The following BTG4 variants were observed in gnomAD, a reference collection of about 807,000 sequenced individuals.
BTG4 encodes protein BTG4.
A neutral mutation model predicts 19.3 loss-of-function variants in BTG4; 10 were observed. The observed-to-expected ratio is 0.52, with a 90% CI of 0.32 to 0.88. The LOEUF is 0.88. BTG4 is among the 40% of genes least tolerant of loss of function. The pLI, the probability that BTG4 is intolerant of heterozygous loss-of-function variation, is 0.04. For missense variants in BTG4, 238 were observed against 281.9 expected (o/e 0.84, Z 1.11); for synonymous variants, 91 against 95.7 (o/e 0.95, Z 0.29).
At chr11:111,509,434 A>G (rs1223196994) in intron 1 of BTG4, among the ~76,000 whole-genome samples, 4 of 152,136 alleles carry the variant, frequency 2.6e-5, no homozygotes, top group Admixed American at 2.6e-4. Context: ...TCACTCCTGT[A>G]ATGCTAGCAC....
At chr11:111,471,053 A>C (rs985689388) in intron 5 of BTG4, among the ~76,000 whole-genome samples, 1 of 152,252 alleles carries the variant, frequency 6.6e-6, no homozygotes, top group African/African-American at 2.4e-5. Context: ...ATTCATTCTT[A>C]TGAACAAGAA....
downstream of BTG4, among the ~76,000 whole-genome samples, chr11:111,490,391 G>A (rs1865344120): frequency 6.6e-6 from 1 of 152,140 alleles, no homozygotes; most frequent in South Asian, 2.1e-4. Context: ...AACACAACAT[G>A]TGCCTCTATC....
chr11:111,467,484 T>C (rs1039277065), downstream of BTG4: 11 of 508,914 alleles, frequency 2.2e-5, no homozygotes, highest in Admixed American at 3.2e-4. Flanking sequence ...ATTTGGCTGA[T>C]GCCACGTAGC....
the BTG4 span, chr11:111,454,884 G>A: frequency 2.4e-6 from 1 of 422,744 alleles, no homozygotes; most frequent in Non-Finnish European, 4.8e-6. Flanking sequence ...GCAGCAGGGG[G>A]CGCTGCAATC....
chr11:111,406,146 C>T, the BTG4 span, among the ~76,000 whole-genome samples: 1,459 of 152,236 alleles, frequency 9.6e-3, 16 homozygotes, highest in African/African-American at 0.032. Flanking sequence ...AATCATATGC[C>T]CATTTCAATA....
downstream of BTG4, among the ~76,000 whole-genome samples, chr11:111,463,911 A>G (rs569034127): frequency 1.4e-4 from 22 of 152,288 alleles, no homozygotes; most frequent in Admixed American, 7.8e-4. Flanking sequence ...AATTCCTGCC[A>G]TGGACTTCAT....
chr11:111,417,450 G>C, the BTG4 span: 1 of 152,164 alleles, frequency 6.6e-6, no homozygotes, highest in East Asian at 1.9e-4. Context: ...CTGGGAGGAG[G>C]GGACCCTCCT....
chr11:111,435,131 A>T, the BTG4 span: 1 of 152,200 alleles, frequency 6.6e-6, no homozygotes, highest in South Asian at 2.1e-4. Flanking sequence ...AATCCATCTC[A>T]AGTTCTCAAA....
the BTG4 span, among the ~76,000 whole-genome samples, chr11:111,391,063 G>A: frequency 1.3e-5 from 2 of 152,182 alleles, no homozygotes; most frequent in African/African-American, 4.8e-5. Flanking sequence ...CAGTAATAGA[G>A]TATGTGCTCG....
chr11:111,405,628 G>T, the BTG4 span, among the ~76,000 whole-genome samples: 4 of 152,056 alleles, frequency 2.6e-5, no homozygotes, highest in African/African-American at 9.7e-5. Context: ...TGTTGCCACT[G>T]CCAGAGTTCA....
At chr11:111,436,269 C>T in the BTG4 span, among the ~76,000 whole-genome samples, 20 of 152,250 alleles carry the variant, frequency 1.3e-4, no homozygotes, top group East Asian at 2.5e-3. Flanking sequence ...GAACTGGTGA[C>T]GACCACCTCC....
the BTG4 span, chr11:111,450,693 CT>C: frequency 6.6e-6 from 1 of 152,202 alleles, no homozygotes; most frequent in Admixed American, 6.5e-5. Context: ...TATACATGCT[CT>C]TGGGAAAACT....
chr11:111,432,294 G>T, the BTG4 span, among the ~76,000 whole-genome samples: 2 of 152,090 alleles, frequency 1.3e-5, no homozygotes, highest in African/African-American at 2.4e-5. Context: ...TGGGCTATGG[G>T]TACCAAACAA....
chr11:111,421,728 GA>G, the BTG4 span, among the ~76,000 whole-genome samples: 3 of 152,132 alleles, frequency 2.0e-5, no homozygotes, highest in African/African-American at 7.2e-5. Context: ...GCCTGGTCAA[GA>G]GGGTGAAACC....
the BTG4 span, among the ~76,000 whole-genome samples, chr11:111,452,084 C>A: frequency 3.3e-5 from 5 of 152,246 alleles, no homozygotes; most frequent in Admixed American, 3.3e-4. Flanking sequence ...GTGTGACCTG[C>A]ACATTGCACC....
At chr11:111,461,226 G>C in the BTG4 span, among the ~76,000 whole-genome samples, 5 of 152,184 alleles carry the variant, frequency 3.3e-5, no homozygotes, top group African/African-American at 1.2e-4. Context: ...TAAATAAAAG[G>C]TTCTTGTTAG....
the BTG4 span, among the ~76,000 whole-genome samples, chr11:111,432,322 T>C: frequency 6.6e-6 from 1 of 152,060 alleles, no homozygotes; most frequent in Non-Finnish European, 1.5e-5. Flanking sequence ...GCAAGCAGAA[T>C]TACAATCCAA....
intron 1 of BTG4, among the ~76,000 whole-genome samples, chr11:111,508,084 A>T (rs1866588166): frequency 6.6e-6 from 1 of 151,788 alleles, no homozygotes; most frequent in Non-Finnish European, 1.5e-5. Context: ...CCCCCTCAAC[A>T]CCTCTACTTT....
At chr11:111,420,644 T>C in the BTG4 span, among the ~76,000 whole-genome samples, 1 of 152,244 alleles carries the variant, frequency 6.6e-6, no homozygotes, top group Non-Finnish European at 1.5e-5. Flanking sequence ...AGAAACAGCA[T>C]TCAACAGTTT....
Sources: gnomAD v4.1 joint callset for allele counts (sites outside exome capture counted in the v4.1 genomes callset) on GRCh38, gnomAD v4.1.1 for gene constraint, MANE v1.5 for transcripts, NCBI Gene and HGNC (gene_info 2026-07-23, HGNC 2026-07-21) for gene names.